Variants in C11orf65 observed in about 807,000 individuals in gnomAD.
The protein encoded by C11orf65 is chromosome 11 open reading frame 65, also known as protein MFI.
C11orf65 carries 38 observed loss-of-function variants against 35.3 expected under a neutral mutation model. The observed-to-expected ratio is 1.08, with a 90% confidence interval of 0.83 to 1.41. The LOEUF (loss-of-function observed/expected upper bound fraction) is 1.41. Among genes scored for constraint, C11orf65 ranks in the 40% most tolerant of loss-of-function variants. The pLI is 0.00. For synonymous variants in C11orf65, 105 were observed against 114.4 expected (o/e 0.92, Z 0.53); for missense variants, 370 against 367.1 (o/e 1.01, Z -0.06).
At chr11:108,355,720 C>G (rs1327790649) in intron 2 of C11orf65, 1 of 152,228 alleles carries the variant, frequency 6.6e-6, no homozygotes, top group East Asian at 1.9e-4. Context: ...AACCAGGTTT[C>G]TAGAGATGGG....
At chr11:108,344,324 G>A (rs971655782) in intron 2 of C11orf65, among the ~76,000 whole-genome samples, 3 of 152,132 alleles carry the variant, frequency 2.0e-5, no homozygotes, top group African/African-American at 7.2e-5. Flanking sequence ...TTGTAAATGA[G>A]TTGTTTTTCC....
intron 2 of C11orf65, chr11:108,365,765 G>A (rs2091283237): frequency 4.1e-6 from 2 of 490,564 alleles, no homozygotes; most frequent in South Asian, 2.2e-5. Flanking sequence ...TGTAATCCCA[G>A]CACTTTGGGA....
At chr11:108,442,534 A>G (rs879346546) in intron 2 of C11orf65, among the ~76,000 whole-genome samples, 4 of 152,236 alleles carry the variant, frequency 2.6e-5, no homozygotes, top group Non-Finnish European at 5.9e-5. Flanking sequence ...CAGATTCACC[A>G]AAGTTGAAAT....
At chr11:108,373,475 T>C (rs2091627110) in intron 2 of C11orf65, among the ~76,000 whole-genome samples, 3 of 152,350 alleles carry the variant, frequency 2.0e-5, no homozygotes, top group South Asian at 2.1e-4. Context: ...CTGGAGTTCC[T>C]AGCCATGCAG....
chr11:108,394,539 A>G (rs2092258760), intron 6 of C11orf65, among the ~76,000 whole-genome samples: 2 of 152,240 alleles, frequency 1.3e-5, no homozygotes, highest in Admixed American at 1.3e-4. Flanking sequence ...AGCACATAAA[A>G]TAATACATTC....
At chr11:108,326,094 A>T (rs951881516) in intron 6 of C11orf65, 2 of 1,614,156 alleles carry the variant, frequency 1.2e-6, no homozygotes, top group Non-Finnish European at 1.7e-6. Flanking sequence ...TAAACAGTAC[A>T]ATTCAGTTAG....
rs1205211847 is a variant in C11orf65 at position 108,407,124 on chromosome 11, C to CCAG, written c.197_199dup (p.Ala66dup). The CCAG allele has an allele frequency of 4.3e-6, 7 of 1,609,498 alleles. No homozygotes were observed. Among genetic ancestry groups the CCAG allele is most frequent in the East Asian group, 2.2e-5 (1 of 44,816 alleles). ...ACCTAATCTGAATCGCACATGAATG[C>CCAG]CAGCAGCAGCATCTAGAAGCTCTGC... is the stretch of plus-strand genomic sequence containing the variant. On this transcript the variant is annotated inframe_insertion, in exon 4 of 9. Transcript: ENST00000393084.
At chr11:108,313,690 G>C (rs537732659) in intron 6 of C11orf65, among the ~76,000 whole-genome samples, 2 of 151,986 alleles carry the variant, frequency 1.3e-5, no homozygotes, top group Non-Finnish European at 2.9e-5. Flanking sequence ...GCTAAGCATG[G>C]GTACTGAACT....
At position 108,443,230 on chromosome 11, in the gene C11orf65, G is replaced by C. The variant is rs143616745; in HGVS notation, c.82-11392C>G. 9.8e-3 allele frequency among the ~76,000 whole-genome samples: 1,497 copies of C among 152,210 alleles called. 31 individuals are homozygous for C. The highest frequency in any genetic ancestry group is 0.034 in the African/African-American group (1,416 of 41,530). ...ACAAAGATCAAAAGAGACAAAGAAG[G>C]CCATTACGTAATTATAAAGGGATCA... On this transcript the variant is annotated intron_variant, in intron 2 of 8. Coordinates refer to ENST00000393084, the MANE Select transcript of C11orf65 (RefSeq NM_152587.5).
chr11:108,366,663 G>T (rs1371482972), intron 2 of C11orf65: 1 of 231,372 alleles, frequency 4.3e-6, no homozygotes, highest in Non-Finnish European at 8.6e-6. Flanking sequence ...TGGCTTTAGG[G>T]TTTCCATACC....
chr11:108,390,827 C>T (rs949736610), intron 7 of C11orf65, among the ~76,000 whole-genome samples: 3 of 152,166 alleles, frequency 2.0e-5, no homozygotes, highest in Non-Finnish European at 4.4e-5. Context: ...GAGGTCTGCA[C>T]AAAATATTGG....
At position 108,317,507 on chromosome 11, in the gene C11orf65, T is replaced by C. The variant is rs55756349; in HGVS notation, c.641-8436A>G. On this transcript the variant is annotated intron_variant, in intron 6 of 6. Transcript: ENST00000525729. The stretch of plus-strand genomic sequence containing the variant: ...CATGGAGGAATATGCAGTGGGACCA[T>C]TGCACTTCCGTCAGGTAAGAAATTT... The C allele has an allele frequency of 3.7e-5, 59 of 1,609,828 alleles. No individual in the cohort carries two copies. In the East Asian group the frequency reaches 4.0e-4, roughly 11 times the overall value.
chr11:108,365,181 C>G lies in C11orf65; in HGVS notation c.226+28027G>C, dbSNP rs747445236. On this transcript the variant is annotated intron_variant, in intron 2 of 3. Transcript: ENST00000524755. ...AGATGAAACTGAGCTTCACCCTACT[C>G]TGAATGCAGATGACCAAGAATGCAA... 1 of 1,614,234 alleles carries G rather than the reference C, an allele frequency of 6.2e-7. No homozygotes were observed. Among genetic ancestry groups the G allele is most frequent in the Non-Finnish European group, 8.5e-7 (1 of 1,180,040 alleles).
intron 2 of C11orf65, among the ~76,000 whole-genome samples, chr11:108,448,080 C>T (rs1449278571): frequency 3.3e-5 from 5 of 152,082 alleles, no homozygotes; most frequent in Non-Finnish European, 5.9e-5. Flanking sequence ...CAAGACTAAA[C>T]CAGGAAGAAG....
At chr11:108,450,189 T>C (rs1052077040) in intron 2 of C11orf65, among the ~76,000 whole-genome samples, 1 of 151,938 alleles carries the variant, frequency 6.6e-6, no homozygotes, top group Admixed American at 6.6e-5. Context: ...TTGGTGGGAC[T>C]GTAAACTAGT....
chr11:108,364,293 T>C (rs1262977588), intron 2 of C11orf65, among the ~76,000 whole-genome samples: 1 of 152,202 alleles, frequency 6.6e-6, no homozygotes, highest in African/African-American at 2.4e-5. Context: ...ATTACTAAGA[T>C]TTGTAAGCAT....
intron 8 of C11orf65, among the ~76,000 whole-genome samples, chr11:108,385,637 G>A (rs945605564): frequency 4.0e-5 from 6 of 151,366 alleles, no homozygotes; most frequent in East Asian, 2.0e-4. Context: ...AGCCAACATC[G>A]CACCACTGCA....
At chr11:108,344,763 G>A (rs1203332067) in intron 2 of C11orf65, among the ~76,000 whole-genome samples, 1 of 152,092 alleles carries the variant, frequency 6.6e-6, no homozygotes, top group Non-Finnish European at 1.5e-5. Flanking sequence ...CAGCACTTAA[G>A]GATACCAAGG....
chr11:108,337,083 G>A (rs973141653), intron 2 of C11orf65, among the ~76,000 whole-genome samples: 1 of 152,036 alleles, frequency 6.6e-6, no homozygotes, highest in African/African-American at 2.4e-5. Context: ...CTAAATAGGG[G>A]AGTGAAGAAG....
Sources: allele counts gnomAD v4.1 joint callset (sites outside exome capture counted in the v4.1 genomes callset), GRCh38; gene constraint gnomAD v4.1.1; transcripts MANE v1.5; gene names NCBI Gene and HGNC (gene_info 2026-07-23, HGNC 2026-07-21).